CACNA1A: variants seen among roughly 807,000 people sequenced by gnomAD.
The protein encoded by CACNA1A is voltage-dependent P/Q-type calcium channel subunit alpha-1A.
CACNA1A carries 57 observed loss-of-function variants against 262.4 expected under a neutral mutation model. The ratio of observed to expected loss-of-function variants is 0.22; its 90% CI spans 0.18 to 0.27. The LOEUF is 0.27. Ranked by LOEUF, CACNA1A falls within the 10% of genes least tolerant of loss-of-function variation. The pLI, the probability that CACNA1A is intolerant of heterozygous loss-of-function variation, is 1.00. For missense variants in CACNA1A, 2,526 were observed against 3,562.8 expected, an observed-to-expected ratio of 0.71 and a Z score of 7.41; for synonymous variants, 1,431 against 1,419.3, an observed-to-expected ratio of 1.01 and a Z score of -0.18.
chr19:13,240,663 TAGTGACTGTGTGTGCAGTGTCTGTGTGC>T (rs1217053354), intron 31 of CACNA1A, among the ~76,000 whole-genome samples: 37 of 146,300 alleles, frequency 2.5e-4, no homozygotes, highest in Non-Finnish European at 3.9e-4. Context: ...TGTGTGTGGA[TAGTGACTGTGTGTGCAGTGTCTGTGTGC>T]AGTGACTGTG....
At chr19:13,326,596 G>A (rs2058367932) in intron 10 of CACNA1A, among the ~76,000 whole-genome samples, 1 of 151,954 alleles carries the variant, frequency 6.6e-6, no homozygotes, top group Non-Finnish European at 1.5e-5. Context: ...GACCAGCCTA[G>A]GCAACATATT....
rs2419233 is a variant in CACNA1A at position 13,212,945 on chromosome 19, A to G, written c.5941-205T>C. Among the ~76,000 whole-genome samples, 117,393 of 151,850 alleles carry G rather than the reference A, an allele frequency of 0.77. 45,565 individuals carry two copies. Among genetic ancestry groups the G allele is most frequent in the East Asian group, 0.99 (5,100 of 5,166 alleles). ...CAAGTCATAGCCCCAGCCTGGTCCC[A>G]CGTCCTCATCTCTCACTGCAGGCAC... On this transcript the variant is annotated intron_variant, in intron 40 of 46. Transcript: ENST00000360228. This position sits in a 1 kb window ranked among gnomAD's most constrained non-coding sequence, Gnocchi z 5.6.
intron 30 of CACNA1A, among the ~76,000 whole-genome samples, chr19:13,249,854 C>T: frequency 6.6e-6 from 1 of 152,132 alleles, no homozygotes; most frequent in East Asian, 1.9e-4. Flanking sequence ...CCCCTAACCA[C>T]CTCCGTGAGC....
intron 11 of CACNA1A, among the ~76,000 whole-genome samples, chr19:13,313,998 G>A (rs971590966): frequency 1.3e-5 from 2 of 152,170 alleles, no homozygotes; most frequent in African/African-American, 4.8e-5. Flanking sequence ...GACCTAAAAA[G>A]TCTTGAGTAA....
chr19:13,428,949 C>T (rs2060451861), intron 3 of CACNA1A, among the ~76,000 whole-genome samples: 1 of 152,070 alleles, frequency 6.6e-6, no homozygotes, highest in Non-Finnish European at 1.5e-5. Flanking sequence ...TTGAGGACGG[C>T]ACAGGTGAAT....
At chr19:13,339,807 ACAAAGTCAGC>A (rs1220024289) in intron 6 of CACNA1A, among the ~76,000 whole-genome samples, 2 of 152,152 alleles carry the variant, frequency 1.3e-5, no homozygotes, top group East Asian at 3.9e-4. Flanking sequence ...AATAAAACTA[ACAAAGTCAGC>A]TTTAATCATG....
At chr19:13,364,061 GTCT>G (rs1225235235) in intron 5 of CACNA1A, 1 of 152,278 alleles carries the variant, frequency 6.6e-6, no homozygotes, top group African/African-American at 2.4e-5. Flanking sequence ...CTGGGAGAGT[GTCT>G]CTGCGCTGCC....
At position 13,298,863 on chromosome 19, in the gene CACNA1A, T is replaced by TGCCTCGCTCGGCCTC. The variant is rs2057728868; in HGVS notation, c.2755_2769dup (p.Glu919_Gly923dup). 1.3e-6 allele frequency: 2 copies of TGCCTCGCTCGGCCTC among 1,591,338 alleles called. No homozygotes were observed. Among genetic ancestry groups the TGCCTCGCTCGGCCTC allele is most frequent in the Non-Finnish European group, 1.7e-6 (2 of 1,176,878 alleles). On this transcript the variant is annotated inframe_insertion, in exon 19 of 47. Transcript: ENST00000360228. ...TGCCTCCGGTGGGGGTCCCCGGCCT[T>TGCCTCGCTCGGCCTC]GCCTCGCTCGGCCTCGCCCTCCCAG...
intron 1 of CACNA1A, among the ~76,000 whole-genome samples, chr19:13,464,828 G>A (rs111521338): frequency 0.15 from 22,581 of 151,982 alleles, 2,082 homozygotes; most frequent in East Asian, 0.38. Flanking sequence ...GATTACAGGC[G>A]TGAGCCACTG....
intron 3 of CACNA1A, among the ~76,000 whole-genome samples, chr19:13,440,521 G>T (rs1246088481): frequency 6.6e-6 from 1 of 152,204 alleles, no homozygotes; most frequent in Non-Finnish European, 1.5e-5. Context: ...TCATTATAAT[G>T]ATAGTTATTA....
At chr19:13,234,056 A>AG (rs2055770078) in intron 34 of CACNA1A, among the ~76,000 whole-genome samples, 1 of 148,010 alleles carries the variant, frequency 6.8e-6, no homozygotes, top group Admixed American at 6.7e-5. Context: ...TCTAAAAAAA[A>AG]AAAAAAAAAA....
intron 3 of CACNA1A, among the ~76,000 whole-genome samples, chr19:13,376,868 A>C (rs12985915): frequency 2.2e-5 from 3 of 137,382 alleles, no homozygotes; most frequent in South Asian, 2.2e-4. Context: ...GTTATATGTG[A>C]TATATATAAC....
At position 13,307,863 on chromosome 19, in the gene CACNA1A, A is replaced by T; in HGVS notation, c.1914-9T>A. 3 of 1,613,162 alleles carry T rather than the reference A, an allele frequency of 1.9e-6. No homozygotes were observed. Among genetic ancestry groups the T allele is most frequent in the Non-Finnish European group, 2.5e-6 (3 of 1,179,130 alleles). On this transcript the variant is annotated splice_polypyrimidine_tract_variant and intron_variant, in intron 14 of 46. Coordinates refer to ENST00000360228, the MANE Select transcript of CACNA1A (RefSeq NM_001127222.2). ...CTTCATCGAAATTAAACCTGCAGGG[A>T]GGACACAGACATTTCACGTTGGCCC...
intron 6 of CACNA1A, among the ~76,000 whole-genome samples, chr19:13,357,008 C>T (rs979816572): frequency 6.6e-6 from 1 of 152,178 alleles, no homozygotes; most frequent in African/African-American, 2.4e-5. Flanking sequence ...AATAAATTAT[C>T]AGGATAACAG....
intron 22 of CACNA1A, among the ~76,000 whole-genome samples, chr19:13,280,304 TGGCTGGGA>T (rs1568488948): frequency 7.9e-5 from 12 of 151,348 alleles, no homozygotes; most frequent in Non-Finnish European, 1.3e-4. Context: ...GCCTCCCAAG[TGGCTGGGA>T]CCACAGGTGT....
At chr19:13,330,549 G>A (rs911158246) in intron 9 of CACNA1A, among the ~76,000 whole-genome samples, 7 of 152,124 alleles carry the variant, frequency 4.6e-5, no homozygotes, top group East Asian at 1.9e-4. Context: ...GGTTCAGTCC[G>A]ACTCCAGGTC....
chr19:13,330,425 C>A, intron 9 of CACNA1A, 92 bp from the exon 10 acceptor site: 1 of 897,950 alleles, frequency 1.1e-6, no homozygotes, highest in South Asian at 1.4e-5. Context: ...ATTTAACTCT[C>A]ACGGCAACTG....
intron 6 of CACNA1A, among the ~76,000 whole-genome samples, chr19:13,342,688 G>T (rs1337192951): frequency 2.0e-5 from 3 of 152,172 alleles, no homozygotes; most frequent in Non-Finnish European, 4.4e-5. Context: ...AACTTTCAGT[G>T]TGGGACCTTC....
At chr19:13,469,458 C>G (rs931224854) in intron 1 of CACNA1A, among the ~76,000 whole-genome samples, 1 of 133,708 alleles carries the variant, frequency 7.5e-6, no homozygotes, top group African/African-American at 2.9e-5. Context: ...CTTGAACCAC[C>G]TCTTTTTTTT....
Sources: gnomAD v4.1 joint callset for allele counts (sites outside exome capture counted in the v4.1 genomes callset) on GRCh38, gnomAD v4.1.1 for gene constraint, Gnocchi (gnomAD v3.1) non-coding constraint, MANE v1.5 for transcripts, NCBI Gene and HGNC (gene_info 2026-07-23, HGNC 2026-07-21) for gene names.